WDR49: variants seen among roughly 807,000 people sequenced by gnomAD.
The protein encoded by WDR49 is cilia- and flagella-associated protein 337.
In WDR49, 107 loss-of-function variants were observed where a neutral mutation model predicts 119.5. The observed-to-expected ratio is 0.90, with a 90% CI of 0.77 to 1.05. The LOEUF is 1.05. Ranked by LOEUF, WDR49 falls within the 50% of genes least tolerant of loss-of-function variation. The probability of loss-of-function intolerance (pLI) is 0.00; values close to 1 mark genes in which losing one functional copy is unlikely to be tolerated. For missense variants in WDR49, 1,240 were observed against 1,220.5 expected, an observed-to-expected ratio of 1.02 and a Z score of -0.24; for synonymous variants, 425 against 418.8, an observed-to-expected ratio of 1.01 and a Z score of -0.18.
intron 7 of WDR49, among the ~76,000 whole-genome samples, chr3:167,594,457 T>A (rs567919676): frequency 4.3e-4 from 65 of 152,196 alleles, no homozygotes; most frequent in Non-Finnish European, 7.6e-4. Context: ...GAGAGATGAT[T>A]TAGGGTATCT....
rs2108321442 is a variant in WDR49 at position 167,620,642 on chromosome 3, GATAT to G, written c.784-43_784-40del. The G allele has an allele frequency of 2.0e-5, 29 of 1,480,160 alleles. No individual in the cohort carries two copies. The South Asian group carries it at 3.8e-4, about 19-fold the overall frequency. 91.7% of individuals were successfully genotyped at this position (1,480,160 alleles called of 1,614,324 possible). On this transcript the variant is annotated intron_variant, in intron 4 of 18. Transcript: ENST00000682715. ...TTGAAAGAACAACAATCGTGGACGG[GATAT>G]TTGTTGCAAGAAGATTCTAGGTTAT...
At chr3:167,545,994 T>C (rs560447328) in intron 10 of WDR49, among the ~76,000 whole-genome samples, 1 of 152,030 alleles carries the variant, frequency 6.6e-6, no homozygotes, top group South Asian at 2.1e-4. Context: ...TTTAATCTCA[T>C]AGTAACTTTA....
intron 11 of WDR49, 48 bp from the exon 12 acceptor site, chr3:167,533,025 G>C: frequency 7.3e-7 from 1 of 1,364,762 alleles, no homozygotes; most frequent in South Asian, 1.4e-5. Flanking sequence ...GATTAAGATA[G>C]AAAATATGAG....
chr3:167,552,411 T>A (rs989099014), intron 10 of WDR49, among the ~76,000 whole-genome samples: 3 of 152,064 alleles, frequency 2.0e-5, no homozygotes, highest in Non-Finnish European at 4.4e-5. Context: ...ATACTAATAC[T>A]GTTGTACAAT....
At chr3:167,558,224 T>C (rs901515206) in intron 9 of WDR49, among the ~76,000 whole-genome samples, 1 of 152,200 alleles carries the variant, frequency 6.6e-6, no homozygotes, top group South Asian at 2.1e-4. Flanking sequence ...ATTTTCACTA[T>C]ATATCCATTT....
chr3:167,513,397 G>A (rs895528026), intron 16 of WDR49, among the ~76,000 whole-genome samples: 1 of 152,124 alleles, frequency 6.6e-6, no homozygotes, highest in African/African-American at 2.4e-5. Context: ...ATTGTTTTCA[G>A]ACAAGAAAAT....
chr3:167,563,885 C>A (rs1713428474), intron 8 of WDR49, among the ~76,000 whole-genome samples: 1 of 152,146 alleles, frequency 6.6e-6, no homozygotes. Flanking sequence ...ATTTTCTGAG[C>A]AGCTATTATA....
At chr3:167,559,094 C>T (rs1202142886) in intron 9 of WDR49, among the ~76,000 whole-genome samples, 1 of 152,142 alleles carries the variant, frequency 6.6e-6, no homozygotes, top group African/African-American at 2.4e-5. Flanking sequence ...CCAGAGATTC[C>T]CTTTTCAACC....
At chr3:167,510,846 CA>C (rs1751945139) in intron 16 of WDR49, among the ~76,000 whole-genome samples, 1 of 149,258 alleles carries the variant, frequency 6.7e-6, no homozygotes, top group East Asian at 2.0e-4. Flanking sequence ...TCCTGTGCAC[CA>C]ACCCCCATCT....
chr3:167,568,428 C>T (rs1252331382), intron 8 of WDR49, among the ~76,000 whole-genome samples: 2 of 152,168 alleles, frequency 1.3e-5, no homozygotes, highest in Non-Finnish European at 2.9e-5. Flanking sequence ...CCTGCACCCA[C>T]ATAAGACCTG....
intron 8 of WDR49, among the ~76,000 whole-genome samples, chr3:167,574,469 G>T (rs1714128016): frequency 6.6e-6 from 1 of 152,178 alleles, no homozygotes; most frequent in African/African-American, 2.4e-5. Context: ...GTGATACACA[G>T]CTCTATGTGC....
chr3:167,575,233 C>T (rs13076536), intron 8 of WDR49: 24,674 of 985,844 alleles, frequency 0.025, 358 homozygotes, highest in East Asian at 0.092. Context: ...CCACAGGCTG[C>T]CCCACACTGA....
intron 10 of WDR49, among the ~76,000 whole-genome samples, chr3:167,554,221 A>C (rs556949187): frequency 9.3e-4 from 142 of 152,248 alleles, no homozygotes; most frequent in African/African-American, 3.0e-3. Flanking sequence ...CATTTTCTGC[A>C]CTGATAGAAA....
chr3:167,606,018 C>A (rs1033518456), intron 5 of WDR49, among the ~76,000 whole-genome samples: 1 of 152,168 alleles, frequency 6.6e-6, no homozygotes, highest in African/African-American at 2.4e-5. Context: ...CAAGTTTTAA[C>A]ATTCACACAA....
chr3:167,516,717 G>A (rs996079841), intron 16 of WDR49, among the ~76,000 whole-genome samples: 12 of 152,172 alleles, frequency 7.9e-5, no homozygotes, highest in Non-Finnish European at 1.5e-4. Flanking sequence ...TTGACAAATG[G>A]GATCTAATTA....
intron 7 of WDR49, among the ~76,000 whole-genome samples, chr3:167,596,761 C>T (rs4996919): frequency 7.0e-6 from 1 of 142,198 alleles, no homozygotes; most frequent in East Asian, 2.0e-4. Context: ...GGGAGATATA[C>T]CTAATGCTAG....
At chr3:167,485,706 A>G (rs971567424) in intron 18 of WDR49, among the ~76,000 whole-genome samples, 1 of 152,130 alleles carries the variant, frequency 6.6e-6, no homozygotes, top group East Asian at 1.9e-4. Flanking sequence ...CAGTCAGACA[A>G]AAATAGAATT....
At position 167,528,457 on chromosome 3, in the gene WDR49, A is replaced by G. The variant is rs1752716827; in HGVS notation, c.2407-440T>C. Reference sequence around the variant, plus strand: ...CTCTAGTATTTAAATTACATTTACAATCTCATTGCAGATAAGGTGTAGCCT... The same window carrying G: ...CTCTAGTATTTAAATTACATTTACAGTCTCATTGCAGATAAGGTGTAGCCT... On this transcript the variant is annotated intron_variant, in intron 14 of 18. Transcript: ENST00000682715. Among the ~76,000 whole-genome samples, 3 of 152,124 alleles carry G rather than the reference A, an allele frequency of 2.0e-5. No individual in the cohort carries two copies. In the East Asian group the frequency reaches 5.8e-4, roughly 29 times the overall value.
chr3:167,486,016 T>C (rs1355003822), intron 18 of WDR49, among the ~76,000 whole-genome samples: 2 of 151,588 alleles, frequency 1.3e-5, no homozygotes, highest in South Asian at 2.1e-4. Flanking sequence ...TCAAGTCACA[T>C]ACAGAGAGAC....
Sources: gnomAD v4.1 joint callset for allele counts (sites outside exome capture counted in the v4.1 genomes callset) on GRCh38, gnomAD v4.1.1 for gene constraint, MANE v1.5 for transcripts, NCBI Gene and HGNC (gene_info 2026-07-23, HGNC 2026-07-21) for gene names.